Variants in FREM3 observed in about 807,000 individuals in gnomAD.
FREM3 encodes the protein FRAS1 related extracellular matrix 3.
Under a neutral mutation model 129.1 loss-of-function variants are expected in FREM3, and 105 were observed. That is an observed-to-expected ratio of 0.81 (90% CI 0.69 to 0.96). FREM3 has a LOEUF of 0.96. FREM3 is among the 40% of genes least tolerant of loss of function. FREM3 has a pLI of 0.00. For synonymous variants in FREM3, 1,014 were observed against 1,044.9 expected (o/e 0.97, Z 0.57); for missense variants, 2,593 against 2,666.3 (o/e 0.97, Z 0.61).
chr4:143,635,938 T>C (rs1739226195), intron 2 of FREM3, among the ~76,000 whole-genome samples: 1 of 152,082 alleles, frequency 6.6e-6, no homozygotes, highest in Admixed American at 6.6e-5. Context: ...TCAGGTTCAG[T>C]TGGCAAGACC....
chr4:143,661,991 T>C (rs1305673241), intron 2 of FREM3, among the ~76,000 whole-genome samples: 1 of 152,066 alleles, frequency 6.6e-6, no homozygotes, highest in African/African-American at 2.4e-5. Flanking sequence ...TTTTTCTTTA[T>C]TAGTCTTGCT....
intron 2 of FREM3, among the ~76,000 whole-genome samples, chr4:143,640,489 G>A (rs749305204): frequency 2.6e-5 from 4 of 152,158 alleles, no homozygotes; most frequent in Non-Finnish European, 4.4e-5. Context: ...TGACCAACAT[G>A]GAGAAACCCT....
In FREM3 at chr4:143,619,348, C is replaced by G. The variant is rs143505282; in HGVS notation, c.5779+1689G>C. Among the ~76,000 whole-genome samples the G allele has an allele frequency of 1.6e-4, 24 of 152,284 alleles. No individual in the cohort carries two copies. In the East Asian group the frequency reaches 3.1e-3, roughly 20 times the overall value. ...AAGTACTCCCAAATTTTGATTCGTTCTCTTGTATCTTTGTATGGCAGCCTT... is the reference window on the plus strand; with the variant it reads ...AAGTACTCCCAAATTTTGATTCGTTGTCTTGTATCTTTGTATGGCAGCCTT... On this transcript the variant is annotated intron_variant, in intron 5 of 7. Transcript: ENST00000329798.
Position 143,624,135 on chromosome 4 carries a change from T to C in FREM3, c.5626A>G (p.Thr1876Ala), listed in dbSNP as rs1560848651. 5 of 1,535,276 alleles carry C rather than the reference T, an allele frequency of 3.3e-6. No homozygotes were observed. The African/African-American group carries it at 6.9e-5, about 21-fold the overall frequency. ...MAVLEFPEMATVEIVDPGDES... is the reference protein window; with the variant it reads ...MAVLEFPEMAAVEIVDPGDES... Reference sequence around the variant, plus strand: ...TCTCCAGGGTCTACAATTTCAACCGTTGCCATTTCTGGAAACTCCAGTACA... The same window carrying C: ...TCTCCAGGGTCTACAATTTCAACCGCTGCCATTTCTGGAAACTCCAGTACA... The change falls in exon 4 of 8, where the codon ACG becomes GCG. Residue 1876 changes from threonine (T) to alanine (A), a missense_variant. Physicochemically the swap from Thr to Ala is moderately conservative, Grantham distance 58. Transcript: ENST00000329798.
intron 2 of FREM3, among the ~76,000 whole-genome samples, chr4:143,659,062 ATTTC>A (rs1344908921): frequency 7.1e-6 from 1 of 141,696 alleles, no homozygotes; most frequent in Non-Finnish European, 1.5e-5. Flanking sequence ...CCCCACTTGA[ATTTC>A]TTTATTTTAT....
intron 2 of FREM3, among the ~76,000 whole-genome samples, chr4:143,646,530 T>C (rs59041346): frequency 0.016 from 2,498 of 152,246 alleles, 60 homozygotes; most frequent in African/African-American, 0.056. Context: ...TGATAATGAA[T>C]GAGTTCTCAC....
intron 6 of FREM3, among the ~76,000 whole-genome samples, chr4:143,592,933 C>T (rs941676774): frequency 6.6e-6 from 1 of 152,104 alleles, no homozygotes; most frequent in Non-Finnish European, 1.5e-5. Context: ...AGGCTTTGCT[C>T]GTTTCTTTTT....
chr4:143,646,392 GTC>G (rs1460703468), intron 2 of FREM3, among the ~76,000 whole-genome samples: 1 of 152,094 alleles, frequency 6.6e-6, no homozygotes, highest in Non-Finnish European at 1.5e-5. Flanking sequence ...TAGAGACAGA[GTC>G]TGATATGATT....
intron 6 of FREM3, among the ~76,000 whole-genome samples, chr4:143,595,761 T>A (rs549139247): frequency 7.2e-5 from 11 of 151,958 alleles, no homozygotes; most frequent in South Asian, 2.1e-4. Context: ...GGTGGCAGGC[T>A]CCTGTAGTCC....
chr4:143,689,055 A>C (rs1740419185), intron 2 of FREM3, among the ~76,000 whole-genome samples: 1 of 152,244 alleles, frequency 6.6e-6, no homozygotes, highest in South Asian at 2.1e-4. Context: ...GAGCTTTTGC[A>C]TGGCAAAAGG....
intron 2 of FREM3, among the ~76,000 whole-genome samples, chr4:143,647,595 AG>A (rs1285160757): frequency 6.6e-6 from 1 of 152,190 alleles, no homozygotes; most frequent in Non-Finnish European, 1.5e-5. Context: ...CATGCCTAAA[AG>A]GGGCCAACAT....
At chr4:143,581,161 C>A (rs1487325344) in intron 7 of FREM3, among the ~76,000 whole-genome samples, 1 of 152,214 alleles carries the variant, frequency 6.6e-6, no homozygotes, top group East Asian at 1.9e-4. Flanking sequence ...CCATGCGAGT[C>A]CCTGCCACTG....
rs1740625707 is a variant in FREM3 at position 143,698,518 on chromosome 4, G to A, written c.2158C>T (p.Leu720Phe). The change falls in exon 1 of 8, where the codon CTC (leucine) becomes TTC (phenylalanine). Residue 720 changes from leucine (L) to phenylalanine (F), a missense_variant. Physicochemically the swap from Leu to Phe is conservative, Grantham distance 22 (BLOSUM62 0). Coordinates refer to ENST00000329798, the MANE Select transcript of FREM3 (RefSeq NM_001168235.2). ...TLEMTVQEYQ[L>F]THFQKNFLRY... ...AGGAAATTCTTCTGGAAGTGAGTGAGTTGGTATTCTTGTACAGTCATTTCT... is the reference window on the plus strand; with the variant it reads ...AGGAAATTCTTCTGGAAGTGAGTGAATTGGTATTCTTGTACAGTCATTTCT... 1 of 1,537,606 alleles carries A rather than the reference G, an allele frequency of 6.5e-7. No individual in the cohort carries two copies. Among genetic ancestry groups the A allele is most frequent in the Non-Finnish European group, 8.7e-7 (1 of 1,146,954 alleles).
Position 143,698,951 on chromosome 4 carries a change from C to T in FREM3, c.1725G>A (p.Glu575=). The T allele has an allele frequency of 6.5e-7, 1 of 1,537,228 alleles. No individual in the cohort carries two copies. The highest frequency in any genetic ancestry group is 2.4e-5 in the East Asian group (1 of 40,900). Residue 575 remains glutamate, a synonymous_variant, in exon 1 of 8, where the codon GAG becomes GAA. Coordinates refer to ENST00000329798, the MANE Select transcript of FREM3 (RefSeq NM_001168235.2). ...CCAGCACAAAGTGGATGGTTGAGTC[C>T]TCAGAGTCAATATCAGTAGCACTCA... The part of the protein sequence containing the change: ...FVLSATDIDS[E]DSTIHFVLEN...
intron 2 of FREM3, among the ~76,000 whole-genome samples, chr4:143,681,096 A>G (rs541841029): frequency 6.6e-6 from 1 of 152,272 alleles, no homozygotes; most frequent in South Asian, 2.1e-4. Context: ...ATAGTTAAAT[A>G]TCTATAGTAC....
Position 143,624,328 on chromosome 4 carries a change from G to C in FREM3, c.5433C>G (p.Thr1811=). 1 of 1,529,676 alleles carries C rather than the reference G, an allele frequency of 6.5e-7. No individual in the cohort carries two copies. Among genetic ancestry groups the C allele is most frequent in the Non-Finnish European group, 8.8e-7 (1 of 1,140,504 alleles). The allele number at this position is 1,529,676 out of a possible 1,614,324, so 94.8% of individuals were successfully genotyped here. A position where few individuals can be genotyped will look rare whatever the true frequency, so the allele number is the denominator to read the frequency against. Residue 1811 remains threonine, a synonymous_variant, in exon 4 of 8, where the codon ACC becomes ACG. Coordinates refer to ENST00000329798, the MANE Select transcript of FREM3 (RefSeq NM_001168235.2). ...TGTCTTTTTTTGCAGTTTCATCTTTGGTACCAATGCCTGAATAAAAATCAG... is the reference window on the plus strand; with the variant it reads ...TGTCTTTTTTTGCAGTTTCATCTTTCGTACCAATGCCTGAATAAAAATCAG... ...LGETSFISIG[T]KDETAKKDKD...
intron 2 of FREM3, among the ~76,000 whole-genome samples, chr4:143,684,098 A>G (rs1186936202): frequency 6.6e-6 from 1 of 152,118 alleles, no homozygotes; most frequent in Non-Finnish European, 1.5e-5. Context: ...CAAAGGGCAT[A>G]TAATCTTGGG....
intron 2 of FREM3, among the ~76,000 whole-genome samples, chr4:143,628,094 T>A (rs1739076244): frequency 6.6e-6 from 1 of 152,132 alleles, no homozygotes; most frequent in African/African-American, 2.4e-5. Context: ...CCCTGCCTGT[T>A]GTCTTCACTT....
intron 2 of FREM3, among the ~76,000 whole-genome samples, chr4:143,675,682 G>T (rs1231690694): frequency 6.6e-6 from 1 of 152,108 alleles, no homozygotes; most frequent in African/African-American, 2.4e-5. Context: ...GAATCAAACA[G>T]ATGCAATAAA....
Sources: allele counts gnomAD v4.1 joint callset (sites outside exome capture counted in the v4.1 genomes callset), GRCh38; gene constraint gnomAD v4.1.1; transcripts MANE v1.5; gene names NCBI Gene and HGNC (gene_info 2026-07-23, HGNC 2026-07-21).